The following PCDHA7 variants were observed in gnomAD, a reference collection of about 807,000 sequenced individuals.
PCDHA7 encodes the protein protocadherin alpha-7.
Under a neutral mutation model 57.2 loss-of-function variants are expected in PCDHA7, and 37 were observed. That is an observed-to-expected ratio of 0.65 (90% confidence interval 0.50 to 0.85). PCDHA7 has a LOEUF of 0.85. Ranked by LOEUF, PCDHA7 falls within the 40% of genes least tolerant of loss-of-function variation. The probability of loss-of-function intolerance (pLI) is 0.00; values close to 1 mark genes in which losing one functional copy is unlikely to be tolerated. For missense variants in PCDHA7, 1,188 were observed against 1,241.8 expected, an observed-to-expected ratio of 0.96 and a Z score of 0.65; for synonymous variants, 553 against 558.8, an observed-to-expected ratio of 0.99 and a Z score of 0.15.
At chr5:141,001,683 C>T (rs1042436989) in intron 3 of PCDHA7, among the ~76,000 whole-genome samples, 1 of 152,030 alleles carries the variant, frequency 6.6e-6, no homozygotes, top group Non-Finnish European at 1.5e-5. Flanking sequence ...TCCAACAAAC[C>T]CCACAGATGG....
chr5:140,869,633 A>G (rs376162708), intron 1 of PCDHA7: 3 of 1,613,612 alleles, frequency 1.9e-6, no homozygotes, highest in Non-Finnish European at 2.5e-6. Context: ...AAAAATGAGT[A>G]TTTTTCTTTA....
intron 1 of PCDHA7, chr5:140,850,098 G>A: frequency 6.3e-7 from 1 of 1,596,440 alleles, no homozygotes; most frequent in South Asian, 1.1e-5. Context: ...ACAGTTCCAG[G>A]TGAGCGCGCG....
At chr5:140,924,837 G>A (rs1310509638) in intron 1 of PCDHA7, among the ~76,000 whole-genome samples, 2 of 151,426 alleles carry the variant, frequency 1.3e-5, no homozygotes, top group African/African-American at 4.9e-5. Flanking sequence ...GGAGGTTGCA[G>A]GGAGCTCAGA....
chr5:140,971,236 G>A (rs1384010579), intron 1 of PCDHA7, among the ~76,000 whole-genome samples: 2 of 152,088 alleles, frequency 1.3e-5, no homozygotes, highest in East Asian at 3.9e-4. Flanking sequence ...AAAGCTTGGG[G>A]CAATTTGATA....
At chr5:140,929,317 A>G in intron 1 of PCDHA7, 1 of 1,549,080 alleles carries the variant, frequency 6.5e-7, no homozygotes, top group South Asian at 1.2e-5. Flanking sequence ...CGCTAATGTC[A>G]ATGCCATGGT....
intron 3 of PCDHA7, among the ~76,000 whole-genome samples, chr5:140,994,862 G>A (rs1434007632): frequency 1.3e-5 from 2 of 152,174 alleles, no homozygotes; most frequent in African/African-American, 4.8e-5. Flanking sequence ...TTTGATGGAT[G>A]TGGTAGAATA....
intron 1 of PCDHA7, chr5:140,871,599 TG>T (rs1554165773): frequency 6.9e-7 from 1 of 1,447,790 alleles, no homozygotes; most frequent in Admixed American, 2.7e-5. Flanking sequence ...GAATAACCAG[TG>T]TTTTGAATAT....
Position 140,917,790 on chromosome 5 carries a change from A to G in PCDHA7, c.2356-61159A>G, listed in dbSNP as rs540599117. The stretch of plus-strand genomic sequence containing the variant: ...GTATTAGTACCATGTTGTTTTGGTT[A>G]CTGTAGCCTTGCAGTATAGTTGAAG... On this transcript the variant is annotated intron_variant, in intron 1 of 3. Coordinates refer to ENST00000525929, the MANE Select transcript of PCDHA7 (RefSeq NM_018910.3). Among the ~76,000 whole-genome samples the G allele has an allele frequency of 4.6e-5, 7 of 152,046 alleles. No homozygotes were observed. In the East Asian group the frequency reaches 1.2e-3, roughly 25 times the overall value.
intron 1 of PCDHA7, among the ~76,000 whole-genome samples, chr5:140,972,955 C>T (rs1450892735): frequency 6.6e-6 from 1 of 152,080 alleles, no homozygotes; most frequent in African/African-American, 2.4e-5. Context: ...AGCCACCATG[C>T]CCGGCAAAGG....
chr5:141,007,678 A>T (rs1472767852), intron 3 of PCDHA7, among the ~76,000 whole-genome samples: 1 of 152,236 alleles, frequency 6.6e-6, no homozygotes, highest in Non-Finnish European at 1.5e-5. Context: ...GACAAAAGTT[A>T]TCCTACTTCC....
intron 1 of PCDHA7, chr5:140,884,155 C>A (rs781815602): frequency 1.2e-6 from 2 of 1,613,430 alleles, no homozygotes; most frequent in Non-Finnish European, 1.7e-6. Flanking sequence ...TGTACACTGG[C>A]GAGATCAGCA....
chr5:140,841,442 C>T (rs2150315627), intron 1 of PCDHA7: 3 of 1,613,000 alleles, frequency 1.9e-6, no homozygotes, highest in Non-Finnish European at 2.5e-6. Context: ...GGAGGCCAAA[C>T]ACGGCACCTT....
At chr5:140,967,996 C>T in intron 1 of PCDHA7, 2 of 1,614,214 alleles carry the variant, frequency 1.2e-6, no homozygotes, top group Non-Finnish European at 1.7e-6. Flanking sequence ...CACTGCCTTT[C>T]CGACTGAATG....
At chr5:140,929,421 A>G (rs2086144210) in intron 1 of PCDHA7, 2 of 1,502,092 alleles carry the variant, frequency 1.3e-6, no homozygotes, top group Non-Finnish European at 1.8e-6. Flanking sequence ...ACAACATTTC[A>G]TCAATTGAAC....
chr5:140,883,827 T>G, intron 1 of PCDHA7: 1 of 1,612,546 alleles, frequency 6.2e-7, no homozygotes, highest in South Asian at 1.1e-5. Context: ...GTGTACGCGC[T>G]GCAGCCGTTG....
At chr5:140,877,748 G>T in intron 1 of PCDHA7, 1 of 1,614,188 alleles carries the variant, frequency 6.2e-7, no homozygotes, top group Non-Finnish European at 8.5e-7. Flanking sequence ...CAGAGGGTGT[G>T]CTCTGCAGAG....
intron 1 of PCDHA7, among the ~76,000 whole-genome samples, chr5:140,953,778 A>T (rs782648195): frequency 2.0e-5 from 3 of 151,986 alleles, no homozygotes; most frequent in Non-Finnish European, 2.9e-5. Context: ...ATATTTATTT[A>T]TTTTTTTCTT....
intron 1 of PCDHA7, among the ~76,000 whole-genome samples, chr5:140,873,074 C>G (rs2054074747): frequency 6.6e-6 from 1 of 152,140 alleles, no homozygotes; most frequent in Non-Finnish European, 1.5e-5. Flanking sequence ...TCATATCTAG[C>G]TATTTCCCCC....
chr5:140,946,763 C>T (rs1453017337), intron 1 of PCDHA7, among the ~76,000 whole-genome samples: 1 of 151,160 alleles, frequency 6.6e-6, no homozygotes, highest in Non-Finnish European at 1.5e-5. Context: ...TGATCTCATT[C>T]ATGTGGAATG....
Sources: gnomAD v4.1 joint callset for allele counts (sites outside exome capture counted in the v4.1 genomes callset) on GRCh38, gnomAD v4.1.1 for gene constraint, MANE v1.5 for transcripts, NCBI Gene and HGNC (gene_info 2026-07-23, HGNC 2026-07-21) for gene names.